The following CRACDL variants were observed in gnomAD, a reference collection of about 807,000 sequenced individuals.
CRACDL encodes CRACD like, also known as CRACD-like protein.
Under a neutral mutation model 70.6 loss-of-function variants are expected in CRACDL, and 26 were observed. The ratio of observed to expected loss-of-function variants is 0.37; its 90% CI spans 0.27 to 0.51. The LOEUF (loss-of-function observed/expected upper bound fraction) is 0.51, where lower values mean the gene tolerates loss of function less well. CRACDL is among the 20% of genes least tolerant of loss of function. The probability of loss-of-function intolerance (pLI) is 0.94; values close to 1 mark genes in which losing one functional copy is unlikely to be tolerated. For missense variants in CRACDL, 1,283 were observed against 1,376.9 expected, an observed-to-expected ratio of 0.93 and a Z score of 1.08; for synonymous variants, 618 against 615.2, an observed-to-expected ratio of 1.00 and a Z score of -0.07.
At chr2:98,820,228 A>T (rs1704970439) in intron 7 of CRACDL, among the ~76,000 whole-genome samples, 1 of 151,968 alleles carries the variant, frequency 6.6e-6, no homozygotes, top group Admixed American at 6.6e-5. Flanking sequence ...ACAGATTTCC[A>T]TTAATTTAAA....
intron 1 of CRACDL, among the ~76,000 whole-genome samples, chr2:98,921,991 C>T (rs964075694): frequency 1.3e-5 from 2 of 152,136 alleles, no homozygotes; most frequent in African/African-American, 2.4e-5. Flanking sequence ...GCATATTTTC[C>T]GATTGTGTCA....
intron 1 of CRACDL, among the ~76,000 whole-genome samples, chr2:98,850,096 G>A (rs917543569): frequency 2.6e-5 from 4 of 152,188 alleles, no homozygotes; most frequent in Admixed American, 1.3e-4. Context: ...GCAGGTAAGC[G>A]CCAGTCTTCC....
chr2:98,829,807 C>T (rs1213163066), intron 5 of CRACDL, among the ~76,000 whole-genome samples: 1 of 152,120 alleles, frequency 6.6e-6, no homozygotes, highest in East Asian at 1.9e-4. Context: ...GCAGTGCATG[C>T]AGGAAGGACC....
intron 5 of CRACDL, 68 bp from the exon 6 acceptor site, chr2:98,827,237 A>G: frequency 6.4e-6 from 7 of 1,097,492 alleles, no homozygotes; most frequent in Non-Finnish European, 6.9e-6. Flanking sequence ...CGACCAACGC[A>G]ACAATGCTCT....
In CRACDL at chr2:98,861,997, C is replaced by T. The variant is rs551777457; in HGVS notation, c.-10-15187G>A. 5.9e-5 allele frequency among the ~76,000 whole-genome samples: 9 copies of T among 152,294 alleles called. No individual in the cohort carries two copies. In the South Asian group the frequency reaches 1.9e-3, roughly 32 times the overall value. On this transcript the variant is annotated intron_variant, in intron 1 of 9. Transcript: ENST00000397899. ...TGGCAGCCATTGTTGTTGCACCTCT[C>T]CCCATTGTTACAAGACTCCCTCCAG...
At chr2:98,815,374 T>C (rs190116826) in intron 7 of CRACDL, among the ~76,000 whole-genome samples, 2 of 152,216 alleles carry the variant, frequency 1.3e-5, no homozygotes, top group Non-Finnish European at 2.9e-5. Flanking sequence ...GCCCAGAACT[T>C]CATACACACA....
chr2:98,869,936 C>T (rs528842898), intron 1 of CRACDL, among the ~76,000 whole-genome samples: 19 of 152,326 alleles, frequency 1.2e-4, no homozygotes, highest in African/African-American at 4.6e-4. Flanking sequence ...AGCCCTCCCC[C>T]TGGAGCCCAA....
chr2:98,816,243 C>A (rs1267522350), intron 7 of CRACDL, among the ~76,000 whole-genome samples: 1 of 152,222 alleles, frequency 6.6e-6, no homozygotes, highest in South Asian at 2.1e-4. Flanking sequence ...TCCCCTGATA[C>A]TCACTTTATG....
At chr2:98,901,950 G>C (rs1473080080) in intron 1 of CRACDL, among the ~76,000 whole-genome samples, 1 of 152,078 alleles carries the variant, frequency 6.6e-6, no homozygotes, top group African/African-American at 2.4e-5. Flanking sequence ...GAGAAGCTGC[G>C]AACAAAGGTG....
intron 1 of CRACDL, among the ~76,000 whole-genome samples, chr2:98,858,887 T>C (rs910740615): frequency 1.3e-5 from 2 of 152,092 alleles, no homozygotes; most frequent in African/African-American, 4.8e-5. Context: ...TTAGACAACC[T>C]AGATGAAATA....
chr2:98,920,175 C>G (rs759985148), intron 1 of CRACDL, among the ~76,000 whole-genome samples: 11 of 152,132 alleles, frequency 7.2e-5, no homozygotes, highest in Non-Finnish European at 1.6e-4. Flanking sequence ...ATATTGATCC[C>G]CCACTGCTGG....
chr2:98,900,749 C>T (rs564616274), intron 1 of CRACDL, among the ~76,000 whole-genome samples: 2 of 152,218 alleles, frequency 1.3e-5, no homozygotes, highest in Admixed American at 6.5e-5. Context: ...ACTCAGCACC[C>T]TCCTTCCATC....
intron 1 of CRACDL, among the ~76,000 whole-genome samples, chr2:98,870,559 G>C (rs1442962816): frequency 1.3e-5 from 2 of 152,090 alleles, no homozygotes; most frequent in East Asian, 3.9e-4. Context: ...AGAGTCCCCT[G>C]TATCCTGGGA....
At chr2:98,826,589 C>G (rs1177478223) in intron 6 of CRACDL, among the ~76,000 whole-genome samples, 1 of 152,074 alleles carries the variant, frequency 6.6e-6, no homozygotes, top group African/African-American at 2.4e-5. Context: ...CTCTTGAGCT[C>G]AAGAGGCAGA....
chr2:98,907,197 C>G (rs572567169), intron 1 of CRACDL, among the ~76,000 whole-genome samples: 2 of 152,330 alleles, frequency 1.3e-5, no homozygotes, highest in African/African-American at 4.8e-5. Flanking sequence ...GAGGCTGAGG[C>G]AGGAGAATCG....
intron 1 of CRACDL, among the ~76,000 whole-genome samples, chr2:98,880,207 G>A (rs894951331): frequency 2.6e-5 from 4 of 152,148 alleles, no homozygotes; most frequent in Admixed American, 6.5e-5. Flanking sequence ...ATTTGCCTGC[G>A]TTCCTTAGTT....
chr2:98,929,851 G>A (rs1709026321), intron 1 of CRACDL, among the ~76,000 whole-genome samples: 1 of 152,140 alleles, frequency 6.6e-6, no homozygotes, highest in African/African-American at 2.4e-5. Context: ...ATCAAACAGA[G>A]GAGGAGATAC....
At chr2:98,859,402 C>T (rs1250250193) in intron 1 of CRACDL, among the ~76,000 whole-genome samples, 1 of 152,104 alleles carries the variant, frequency 6.6e-6, no homozygotes, top group Non-Finnish European at 1.5e-5. Flanking sequence ...AGATGCAAAA[C>T]TCCTCAACAG....
chr2:98,814,201 T>C (rs1704689153), intron 7 of CRACDL, among the ~76,000 whole-genome samples: 1 of 152,146 alleles, frequency 6.6e-6, no homozygotes, highest in Admixed American at 6.5e-5. Context: ...CTTTCCTTCT[T>C]GCTTTGAGTT....
Sources: allele counts gnomAD v4.1 joint callset (sites outside exome capture counted in the v4.1 genomes callset), GRCh38; gene constraint gnomAD v4.1.1; transcripts MANE v1.5; gene names NCBI Gene and HGNC (gene_info 2026-07-23, HGNC 2026-07-21).